KCND2: variants seen among roughly 807,000 people sequenced by gnomAD.
KCND2 encodes the protein A-type voltage-gated potassium channel KCND2.
A neutral mutation model predicts 54.4 loss-of-function variants in KCND2; 16 were observed. The ratio of observed to expected loss-of-function variants is 0.29; its 90% CI spans 0.20 to 0.45. The LOEUF is 0.45. Among genes scored for constraint, KCND2 ranks in the 20% least tolerant of loss-of-function variants. KCND2 has a pLI of 1.00. For missense variants in KCND2, 486 were observed against 824.2 expected (o/e 0.59, Z 5.02); for synonymous variants, 317 against 310.7 (o/e 1.02, Z -0.21).
At chr7:120,291,164 A>G (rs1006310068) in intron 1 of KCND2, among the ~76,000 whole-genome samples, 1 of 151,990 alleles carries the variant, frequency 6.6e-6, no homozygotes, top group African/African-American at 2.4e-5. Context: ...TGCTCAATAA[A>G]TACTGGTGTA....
intron 1 of KCND2, among the ~76,000 whole-genome samples, chr7:120,658,023 A>C (rs1483912379): frequency 6.6e-6 from 1 of 152,236 alleles, no homozygotes; most frequent in Non-Finnish European, 1.5e-5. Flanking sequence ...AAGTAAATTT[A>C]TTAAGAGAAG....
chr7:120,735,792 A>G (rs1792862590), intron 2 of KCND2, among the ~76,000 whole-genome samples: 1 of 152,112 alleles, frequency 6.6e-6, no homozygotes, highest in Non-Finnish European at 1.5e-5. Flanking sequence ...TTAATAAAGT[A>G]AAATATAATA....
At chr7:120,578,630 C>G (rs895959679) in intron 1 of KCND2, among the ~76,000 whole-genome samples, 1 of 152,028 alleles carries the variant, frequency 6.6e-6, no homozygotes, top group African/African-American at 2.4e-5. Flanking sequence ...ACTTTGGGGA[C>G]CAAGGTGGGA....
chr7:120,528,954 C>T (rs1293294059), intron 1 of KCND2, among the ~76,000 whole-genome samples: 1 of 152,120 alleles, frequency 6.6e-6, no homozygotes, highest in African/African-American at 2.4e-5. Flanking sequence ...GTAACTAATA[C>T]ATGATTAAAA....
At chr7:120,567,246 A>G (rs1792310375) in intron 1 of KCND2, among the ~76,000 whole-genome samples, 1 of 152,180 alleles carries the variant, frequency 6.6e-6, no homozygotes, top group Non-Finnish European at 1.5e-5. Flanking sequence ...ATCTATAAAT[A>G]TTACCATACT....
intron 1 of KCND2, among the ~76,000 whole-genome samples, chr7:120,558,972 G>A (rs1792198576): frequency 6.6e-6 from 1 of 151,052 alleles, no homozygotes; most frequent in African/African-American, 2.4e-5. Flanking sequence ...GATAAGTGAG[G>A]TAGCCAAAGT....
chr7:120,414,239 A>G (rs1307474787), intron 1 of KCND2, among the ~76,000 whole-genome samples: 3 of 152,134 alleles, frequency 2.0e-5, no homozygotes, highest in Non-Finnish European at 4.4e-5. Context: ...TTCCAGAGGC[A>G]GAAAATTTAT....
intron 1 of KCND2, among the ~76,000 whole-genome samples, chr7:120,540,525 A>T (rs537054931): frequency 2.0e-5 from 3 of 152,280 alleles, no homozygotes; most frequent in African/African-American, 7.2e-5. Flanking sequence ...GTCAAAATTT[A>T]GGAGTGACAT....
intron 1 of KCND2, among the ~76,000 whole-genome samples, chr7:120,719,487 A>G (rs1477569462): frequency 1.3e-5 from 2 of 152,194 alleles, no homozygotes; most frequent in African/African-American, 4.8e-5. Context: ...AATGACACCT[A>G]TAATGGAATC....
At chr7:120,414,216 A>G (rs964780225) in intron 1 of KCND2, among the ~76,000 whole-genome samples, 1 of 152,092 alleles carries the variant, frequency 6.6e-6, no homozygotes, top group African/African-American at 2.4e-5. Context: ...GTTAATTTGT[A>G]TAGAGAGTGT....
rs867485079 is a variant in KCND2, at chr7:120,581,720, A to T, written c.1116-151183A>T. Among the ~76,000 whole-genome samples, 3 of 151,310 alleles carry T rather than the reference A, an allele frequency of 2.0e-5. No homozygotes were observed. The East Asian group carries it at 5.9e-4, about 30-fold the overall frequency. On this transcript the variant is annotated intron_variant, in intron 1 of 5. Transcript: ENST00000331113. ...AATCTAAAATTGGTAGATCTTAATA[A>T]TTTTTTTTTTTTGATGGAGTCTTCC...
chr7:120,314,781 T>G (rs1165778292), intron 1 of KCND2, among the ~76,000 whole-genome samples: 2 of 152,188 alleles, frequency 1.3e-5, no homozygotes, highest in African/African-American at 4.8e-5. Context: ...AAATCTATAG[T>G]AGTCTCTACA....
rs73722600 is a variant in KCND2 at position 120,418,646 on chromosome 7, G to C, written c.1115+142899G>C. Among the ~76,000 whole-genome samples the C allele has an allele frequency of 4.9e-3, 747 of 152,186 alleles. 6 individuals are homozygous for C. The highest frequency in any genetic ancestry group is 0.017 in the African/African-American group (707 of 41,516). ...GGTGTTTTTTATTAGTTCCCAGGTG[G>C]TGTTTATATTCAGCCAGGCTTGAGA... On this transcript the variant is annotated intron_variant, in intron 1 of 5. Transcript: ENST00000331113.
At chr7:120,581,314 G>A (rs1040643526) in intron 1 of KCND2, among the ~76,000 whole-genome samples, 1 of 152,148 alleles carries the variant, frequency 6.6e-6, no homozygotes, top group African/African-American at 2.4e-5. Flanking sequence ...GAAATATTTA[G>A]TATCTGAGTT....
At chr7:120,704,890 A>G (rs545866734) in intron 1 of KCND2, among the ~76,000 whole-genome samples, 141 of 152,332 alleles carry the variant, frequency 9.3e-4, no homozygotes, top group African/African-American at 3.3e-3. Flanking sequence ...GATAAATGAT[A>G]GCAAGTATTA....
chr7:120,430,966 G>T (rs1190321647), intron 1 of KCND2, among the ~76,000 whole-genome samples: 1 of 152,090 alleles, frequency 6.6e-6, no homozygotes, highest in Non-Finnish European at 1.5e-5. Flanking sequence ...ATCTAATGTG[G>T]CAAATATCAA....
intron 1 of KCND2, among the ~76,000 whole-genome samples, chr7:120,677,507 A>G (rs1199133106): frequency 2.7e-5 from 4 of 149,010 alleles, no homozygotes; most frequent in African/African-American, 9.8e-5. Flanking sequence ...CATTGGTGGT[A>G]AGAATTCAAA....
chr7:120,283,137 G>T (rs1353125305), intron 1 of KCND2, among the ~76,000 whole-genome samples: 1 of 152,126 alleles, frequency 6.6e-6, no homozygotes, highest in Non-Finnish European at 1.5e-5. Flanking sequence ...AAGAGAATTA[G>T]AGGAAGAGAG....
chr7:120,302,565 C>T (rs1799602223), intron 1 of KCND2, among the ~76,000 whole-genome samples: 1 of 152,124 alleles, frequency 6.6e-6, no homozygotes, highest in South Asian at 2.1e-4. Flanking sequence ...GCCACTGTGC[C>T]TGGCCAGTAT....
Sources: gnomAD v4.1 joint callset for allele counts (sites outside exome capture counted in the v4.1 genomes callset) on GRCh38, gnomAD v4.1.1 for gene constraint, MANE v1.5 for transcripts, NCBI Gene and HGNC (gene_info 2026-07-23, HGNC 2026-07-21) for gene names.